The following PCOLCE2 variants were observed in gnomAD, a reference collection of about 807,000 sequenced individuals.
PCOLCE2 encodes the protein procollagen C-proteinase enhancer 2.
In PCOLCE2, 42 loss-of-function variants were observed where a neutral mutation model predicts 47.0. The observed-to-expected ratio is 0.89, with a 90% CI of 0.70 to 1.16. The LOEUF (loss-of-function observed/expected upper bound fraction) is 1.16, where lower values mean the gene tolerates loss of function less well. Among genes scored for constraint, PCOLCE2 ranks in the 50% most tolerant of loss-of-function variants. The pLI is 0.00. For missense variants in PCOLCE2, 500 were observed against 526.1 expected (o/e 0.95, Z 0.49); for synonymous variants, 169 against 191.7 (o/e 0.88, Z 0.98).
rs568948744 is a variant in PCOLCE2, at chr3:142,825,268, G to A, written c.866-1653C>T. ...CTCCGAAGGTCAGTCTGGAAGTGGG[G>A]TGGGTGTCCAACATGCCCTTCTCCT... is the stretch of plus-strand genomic sequence containing the variant. On this transcript the variant is annotated intron_variant, in intron 6 of 8. Transcript: ENST00000295992. 3.0e-4 allele frequency among the ~76,000 whole-genome samples: 45 copies of A among 152,262 alleles called. No homozygotes were observed. The East Asian group carries it at 8.3e-3, about 28-fold the overall frequency.
chr3:142,863,270 ACCATCCACAATACAAAGG>A (rs1416136904), intron 2 of PCOLCE2, among the ~76,000 whole-genome samples: 3 of 152,228 alleles, frequency 2.0e-5, no homozygotes, highest in African/African-American at 7.2e-5. Flanking sequence ...CCCTGCAGGT[ACCATCCACAATACAAAGG>A]CAGTAAGGAG....
chr3:142,839,970 G>A (rs1320067751), intron 4 of PCOLCE2, among the ~76,000 whole-genome samples: 1 of 152,236 alleles, frequency 6.6e-6, no homozygotes, highest in East Asian at 1.9e-4. Flanking sequence ...TCAGGGAGTA[G>A]TAGTGTGTGT....
chr3:142,840,447 C>A (rs1410374784), intron 4 of PCOLCE2, among the ~76,000 whole-genome samples: 2 of 152,128 alleles, frequency 1.3e-5, no homozygotes, highest in Non-Finnish European at 2.9e-5. Flanking sequence ...TGGGCAAGAA[C>A]CCTCCTTGCT....
intron 4 of PCOLCE2, among the ~76,000 whole-genome samples, chr3:142,840,286 G>A (rs1206042085): frequency 1.3e-5 from 2 of 152,120 alleles, no homozygotes; most frequent in African/African-American, 2.4e-5. Flanking sequence ...AATTATTCAC[G>A]TGAATAGAAA....
chr3:142,843,401 C>G (rs552514550), intron 3 of PCOLCE2: 1 of 423,496 alleles, frequency 2.4e-6, no homozygotes, highest in African/African-American at 2.1e-5. Flanking sequence ...CTCCTCAAGG[C>G]ATTGGTATTT....
At chr3:142,878,307 T>C (rs1239947007) in intron 2 of PCOLCE2, among the ~76,000 whole-genome samples, 1 of 152,154 alleles carries the variant, frequency 6.6e-6, no homozygotes, top group Non-Finnish European at 1.5e-5. Context: ...TATATTTGTT[T>C]CTTAAAGACT....
Position 142,835,576 on chromosome 3 carries a change from C to T in PCOLCE2, c.710+3194G>A, listed in dbSNP as rs1937194189. Among the ~76,000 whole-genome samples, 4 of 152,078 alleles carry T rather than the reference C, an allele frequency of 2.6e-5. No individual in the cohort carries two copies. The South Asian group carries it at 8.3e-4, about 32-fold the overall frequency. The stretch of plus-strand genomic sequence containing the variant: ...GGTCCATTTGTATTTATATTGATTA[C>T]AGTTATATTTATAGATATACCTATA... On this transcript the variant is annotated intron_variant, in intron 5 of 8. Coordinates refer to ENST00000295992, the MANE Select transcript of PCOLCE2 (RefSeq NM_013363.4).
At chr3:142,859,485 C>T (rs1286235617) in intron 2 of PCOLCE2, among the ~76,000 whole-genome samples, 2 of 151,954 alleles carry the variant, frequency 1.3e-5, no homozygotes, top group Non-Finnish European at 2.9e-5. Flanking sequence ...GAAAATATCT[C>T]CATAATCTGG....
chr3:142,819,380 T>C (rs1207296954), intron 8 of PCOLCE2, among the ~76,000 whole-genome samples: 1 of 152,220 alleles, frequency 6.6e-6, no homozygotes, highest in Non-Finnish European at 1.5e-5. Context: ...CTCTTGCATT[T>C]TCCTGTGTGG....
At chr3:142,868,883 T>C (rs981079229) in intron 2 of PCOLCE2, among the ~76,000 whole-genome samples, 1 of 152,198 alleles carries the variant, frequency 6.6e-6, no homozygotes, top group Admixed American at 6.5e-5. Flanking sequence ...AATTTTATAT[T>C]CGAATGCTAT....
intron 5 of PCOLCE2, among the ~76,000 whole-genome samples, chr3:142,837,394 CA>C (rs1344806395): frequency 2.0e-5 from 3 of 152,076 alleles, no homozygotes; most frequent in South Asian, 4.1e-4. Context: ...ATCTGTAAAC[CA>C]AATTTGGGTA....
At chr3:142,839,804 C>A (rs1937246020) in intron 4 of PCOLCE2, among the ~76,000 whole-genome samples, 1 of 151,952 alleles carries the variant, frequency 6.6e-6, no homozygotes, top group Non-Finnish European at 1.5e-5. Context: ...AACTATACCT[C>A]AATAAAGCTG....
Position 142,889,038 on chromosome 3 carries a change from C to G in PCOLCE2, c.-142G>C. The stretch of plus-strand genomic sequence containing the variant: ...GCGCTCGGCTGCCCGCGCGCTCCCT[C>G]TCACGCGCGCACCGCCGCGGGGCGG... On this transcript the variant is annotated 5_prime_UTR_variant, in exon 1 of 9. Coordinates refer to ENST00000295992, the MANE Select transcript of PCOLCE2 (RefSeq NM_013363.4). 2.5e-6 allele frequency: 1 copy of G among 404,432 alleles called. No individual in the cohort carries two copies. 25.1% of individuals were successfully genotyped at this position (404,432 alleles called of 1,614,324 possible).
chr3:142,861,763 A>G (rs1933186621), intron 2 of PCOLCE2, among the ~76,000 whole-genome samples: 1 of 152,224 alleles, frequency 6.6e-6, no homozygotes, highest in African/African-American at 2.4e-5. Flanking sequence ...GTTCACATTC[A>G]GAACTGAGGT....
intron 2 of PCOLCE2, among the ~76,000 whole-genome samples, chr3:142,884,372 A>AG: frequency 6.6e-6 from 1 of 152,306 alleles, no homozygotes; most frequent in African/African-American, 2.4e-5. Context: ...TACTTTCCAA[A>AG]GGATTATATA....
chr3:142,843,011 G>T lies in PCOLCE2; in HGVS notation c.486C>A (p.Ser162=). ...QYCGGLLDRP[S]GSFKTPNWPD... Reference sequence around the variant, plus strand: ...GCCAGTTGGGGGTTTTAAAAGAGCCGGAAGGTCTGTCAAGGAGTCCTCCAC... The same window carrying T: ...GCCAGTTGGGGGTTTTAAAAGAGCCTGAAGGTCTGTCAAGGAGTCCTCCAC... The change falls in exon 4 of 9, where the codon TCC becomes TCA. Residue 162 remains serine (S), a synonymous_variant. Coordinates refer to ENST00000295992, the MANE Select transcript of PCOLCE2 (RefSeq NM_013363.4). 6.2e-7 allele frequency: 1 copy of T among 1,613,630 alleles called. No homozygotes were observed.
At chr3:142,857,850 C>G (rs1039470596) in intron 2 of PCOLCE2, among the ~76,000 whole-genome samples, 1 of 152,204 alleles carries the variant, frequency 6.6e-6, no homozygotes, top group Non-Finnish European at 1.5e-5. Context: ...CCAAACTCCT[C>G]AGAATCATAG....
intron 7 of PCOLCE2, 46 bp downstream of exon 7, chr3:142,823,486 C>A: frequency 8.8e-7 from 1 of 1,132,180 alleles, no homozygotes; most frequent in South Asian, 1.3e-5. Flanking sequence ...AGCATGCAGC[C>A]TCAAGTTTCT....
At position 142,823,630 on chromosome 3, in the gene PCOLCE2, G is replaced by A; in HGVS notation, c.866-15C>T. On this transcript the variant is annotated splice_polypyrimidine_tract_variant and intron_variant, in intron 6 of 8. Coordinates refer to ENST00000295992, the MANE Select transcript of PCOLCE2 (RefSeq NM_013363.4). ...GGGTTTTAAACCTTAATTCAAAGAA[G>A]ACATAAGTTTCACGAAAAATGAATT... 6.7e-7 allele frequency: 1 copy of A among 1,501,164 alleles called. No homozygotes were observed. The highest frequency in any genetic ancestry group is 9.2e-7 in the Non-Finnish European group (1 of 1,084,676). The allele number at this position is 1,501,164 out of a possible 1,614,324, so 93.0% of individuals were successfully genotyped here.
Sources: gnomAD v4.1 joint callset for allele counts (sites outside exome capture counted in the v4.1 genomes callset) on GRCh38, gnomAD v4.1.1 for gene constraint, MANE v1.5 for transcripts, NCBI Gene and HGNC (gene_info 2026-07-23, HGNC 2026-07-21) for gene names.